SWAP70: variants seen among roughly 807,000 people sequenced by gnomAD.
SWAP70 encodes the protein switch-associated protein 70.
A neutral mutation model predicts 80.2 loss-of-function variants in SWAP70; 34 were observed. The ratio of observed to expected loss-of-function variants is 0.42; its 90% CI spans 0.32 to 0.56. The LOEUF is 0.56. SWAP70 is among the 20% of genes least tolerant of loss of function. The pLI is 0.09. For missense variants in SWAP70, 578 were observed against 690.7 expected, an observed-to-expected ratio of 0.84 and a Z score of 1.83; for synonymous variants, 239 against 238.5, an observed-to-expected ratio of 1.00 and a Z score of -0.02.
chr11:9,705,236 G>A (rs1056257561), intron 2 of SWAP70, among the ~76,000 whole-genome samples: 3 of 140,790 alleles, frequency 2.1e-5, no homozygotes, highest in Non-Finnish European at 3.0e-5. Flanking sequence ...CTGGTGATAT[G>A]TATATACTTG....
intron 4 of SWAP70, among the ~76,000 whole-genome samples, chr11:9,725,552 TATATATATATATATA>T (rs1851204563): frequency 2.0e-4 from 2 of 10,226 alleles, no homozygotes; most frequent in Admixed American, 1.1e-3. Flanking sequence ...TATATATATA[TATATATATATATATA>T]TATTTTTTTT....
intron 5 of SWAP70, among the ~76,000 whole-genome samples, chr11:9,729,040 G>T (rs1335729020): frequency 6.6e-6 from 1 of 152,162 alleles, no homozygotes; most frequent in East Asian, 1.9e-4. Flanking sequence ...CATCATCACA[G>T]ATGTACCTTC....
intron 8 of SWAP70, among the ~76,000 whole-genome samples, chr11:9,738,954 A>T (rs1237822299): frequency 6.6e-6 from 1 of 152,218 alleles, no homozygotes; most frequent in African/African-American, 2.4e-5. Context: ...AGTCCCTGCC[A>T]TTCTGGTATA....
At chr11:9,703,454 G>A (rs1194427776) in intron 2 of SWAP70, 1 of 456,172 alleles carries the variant, frequency 2.2e-6, no homozygotes, top group Non-Finnish European at 4.4e-6. Context: ...GTGCTGTAAG[G>A]CCAACTCCGC....
Position 9,748,045 on chromosome 11 carries a change from G to T in SWAP70, c.1543G>T (p.Glu515Ter). 6.2e-7 allele frequency: 1 copy of T among 1,614,052 alleles called. No individual in the cohort carries two copies. Among genetic ancestry groups the T allele is most frequent in the South Asian group, 1.1e-5 (1 of 91,044 alleles). The change falls in exon 10 of 12, where the codon GAG (glutamate) becomes TAG (stop). Residue 515 changes from glutamate to a stop codon, truncating the protein, a stop_gained. Transcript: ENST00000318950. LOFTEE classifies it high-confidence loss of function. ...QLELERKQAL[E>*]QYEEVKKKLE... ...TGAGTTAGAACGGAAGCAAGCACTTGAGCAGTACGAGGTAATGAGACTTGG... is the reference window on the plus strand; with the variant it reads ...TGAGTTAGAACGGAAGCAAGCACTTTAGCAGTACGAGGTAATGAGACTTGG...
intron 4 of SWAP70, chr11:9,726,844 G>A (rs1249652567): frequency 1.5e-5 from 7 of 456,066 alleles, no homozygotes; most frequent in Admixed American, 4.7e-5. Flanking sequence ...ACTAGTGAGT[G>A]TGAGCTTAGA....
At chr11:9,674,533 C>T (rs1018202311) in intron 1 of SWAP70, among the ~76,000 whole-genome samples, 2 of 151,924 alleles carry the variant, frequency 1.3e-5, no homozygotes, top group Non-Finnish European at 2.9e-5. Flanking sequence ...GACTTTATCT[C>T]TACAAAAAAT....
intron 1 of SWAP70, among the ~76,000 whole-genome samples, chr11:9,668,050 G>A (rs997253757): frequency 6.6e-6 from 1 of 152,016 alleles, no homozygotes; most frequent in Non-Finnish European, 1.5e-5. Flanking sequence ...TACCACACCT[G>A]GCTAATTTTT....
chr11:9,713,747 T>G, intron 3 of SWAP70, 108 bp downstream of exon 3: 1 of 1,322,106 alleles, frequency 7.6e-7, no homozygotes, highest in East Asian at 2.3e-5. Context: ...GATCCTTGGC[T>G]AGTGTTTTTG....
At chr11:9,710,586 C>T (rs983368021) in intron 2 of SWAP70, among the ~76,000 whole-genome samples, 1 of 151,576 alleles carries the variant, frequency 6.6e-6, no homozygotes, top group Admixed American at 6.6e-5. Context: ...AAAAGAAATG[C>T]TTCGCTGATG....
intron 1 of SWAP70, among the ~76,000 whole-genome samples, chr11:9,676,900 G>C (rs528623101): frequency 6.6e-5 from 10 of 152,098 alleles, no homozygotes; most frequent in African/African-American, 2.4e-4. Flanking sequence ...TGATCCGCCT[G>C]CCTCGGCCTC....
intron 1 of SWAP70, among the ~76,000 whole-genome samples, chr11:9,682,643 T>G (rs1850581616): frequency 6.6e-6 from 1 of 152,218 alleles, no homozygotes; most frequent in Non-Finnish European, 1.5e-5. Context: ...TTAAGTCTTT[T>G]GATTCATAAA....
intron 1 of SWAP70, chr11:9,681,084 G>C (rs533981245): frequency 6.5e-6 from 1 of 153,622 alleles, no homozygotes; most frequent in African/African-American, 2.4e-5. Flanking sequence ...GACCATCCTC[G>C]ATAGAGGAGG....
At chr11:9,673,412 A>G (rs1361608274) in intron 1 of SWAP70, among the ~76,000 whole-genome samples, 2 of 152,340 alleles carry the variant, frequency 1.3e-5, no homozygotes, top group Middle Eastern at 3.4e-3. Flanking sequence ...CTCCTGGTAC[A>G]TGAATGAGTT....
intron 6 of SWAP70, among the ~76,000 whole-genome samples, chr11:9,731,179 G>T (rs1192087771): frequency 6.6e-6 from 1 of 152,076 alleles, no homozygotes; most frequent in Non-Finnish European, 1.5e-5. Flanking sequence ...AATTGGTAAA[G>T]AATAAAATGC....
chr11:9,675,376 A>C (rs1228992710), intron 1 of SWAP70, among the ~76,000 whole-genome samples: 1,253 of 47,108 alleles, frequency 0.027, 254 homozygotes, highest in South Asian at 0.062. Flanking sequence ...AGAGAGAGAG[A>C]GAGAGAGAGA....
intron 3 of SWAP70, among the ~76,000 whole-genome samples, chr11:9,717,746 T>C (rs1851084380): frequency 6.6e-6 from 1 of 152,102 alleles, no homozygotes; most frequent in Non-Finnish European, 1.5e-5. Flanking sequence ...TTTGAAAAAC[T>C]GGATGTGGGG....
intron 2 of SWAP70, among the ~76,000 whole-genome samples, chr11:9,694,719 A>G (rs1218525216): frequency 1.3e-5 from 2 of 152,180 alleles, no homozygotes; most frequent in East Asian, 3.8e-4. Context: ...GCTCAACATC[A>G]CTGATCATCA....
At chr11:9,692,429 A>G (rs1271643560) in intron 1 of SWAP70, among the ~76,000 whole-genome samples, 2 of 151,720 alleles carry the variant, frequency 1.3e-5, no homozygotes, top group Non-Finnish European at 1.5e-5. Flanking sequence ...TTTTTTATAC[A>G]AAAGATGGCA....
Sources: gnomAD v4.1 joint callset for allele counts (sites outside exome capture counted in the v4.1 genomes callset) on GRCh38, gnomAD v4.1.1 for gene constraint, MANE v1.5 for transcripts, NCBI Gene and HGNC (gene_info 2026-07-23, HGNC 2026-07-21) for gene names.